Variants in SMG6 observed in about 807,000 individuals in gnomAD.
SMG6 encodes telomerase-binding protein EST1A.
In SMG6, 66 loss-of-function variants were observed where a neutral mutation model predicts 142.2. The ratio of observed to expected loss-of-function variants is 0.46; its 90% CI spans 0.38 to 0.57. SMG6 has a LOEUF of 0.57. Ranked by LOEUF, SMG6 falls within the 20% of genes least tolerant of loss-of-function variation. The pLI is 0.00. For synonymous variants in SMG6, 779 were observed against 702.4 expected (o/e 1.11, Z -1.72); for missense variants, 1,793 against 1,832.0 (o/e 0.98, Z 0.39).
At chr17:2,230,957 A>G (rs1213503013) in intron 10 of SMG6, among the ~76,000 whole-genome samples, 2 of 152,184 alleles carry the variant, frequency 1.3e-5, no homozygotes, top group African/African-American at 2.4e-5. Context: ...AGATCCTTGT[A>G]GAGAAAAAGC....
chr17:2,176,334 A>G (rs2071652053), intron 12 of SMG6, among the ~76,000 whole-genome samples: 1 of 152,220 alleles, frequency 6.6e-6, no homozygotes, highest in African/African-American at 2.4e-5. Flanking sequence ...CAAGGAGCCA[A>G]AAGTCAAATT....
intron 15 of SMG6, among the ~76,000 whole-genome samples, chr17:2,073,805 G>A (rs552951517): frequency 1.5e-4 from 22 of 151,684 alleles, no homozygotes; most frequent in South Asian, 4.2e-4. Context: ...TTAGCCAGGC[G>A]TGGTGGCACG....
chr17:2,303,532 G>C (rs1473462190), intron 1 of SMG6, 101 bp downstream of exon 1: 1 of 1,338,168 alleles, frequency 7.5e-7, no homozygotes, highest in African/African-American at 1.5e-5. Context: ...GGGAAGGGGC[G>C]GGGGCTCCGG....
At chr17:2,074,152 C>G (rs904152564) in intron 15 of SMG6, among the ~76,000 whole-genome samples, 5 of 151,872 alleles carry the variant, frequency 3.3e-5, no homozygotes, top group Admixed American at 1.3e-4. Context: ...TCACAGGTCA[C>G]TGTAGCCTGA....
intron 13 of SMG6, among the ~76,000 whole-genome samples, chr17:2,094,091 G>A (rs988546780): frequency 3.3e-5 from 5 of 152,142 alleles, no homozygotes; most frequent in African/African-American, 7.2e-5. Context: ...CCAAGGTCCC[G>A]GGCTTCGGAA....
Position 2,112,301 on chromosome 17 carries a change from G to C in SMG6, c.3358-26400C>G, listed in dbSNP as rs28672800. On this transcript the variant is annotated intron_variant, in intron 13 of 18. Transcript: ENST00000263073. Reference sequence around the variant, plus strand: ...GGGTGGATCACGAGGTCAGGAGATCGAGACCATCATGGCTAACATGGTGAA... The same window carrying C: ...GGGTGGATCACGAGGTCAGGAGATCCAGACCATCATGGCTAACATGGTGAA... 9.8e-3 allele frequency among the ~76,000 whole-genome samples: 1,485 copies of C among 151,566 alleles called. 25 individuals carry two copies. The highest frequency in any genetic ancestry group is 0.025 in the African/African-American group (1,014 of 41,332).
chr17:2,195,895 T>G (rs961716025), intron 10 of SMG6, among the ~76,000 whole-genome samples: 1 of 152,110 alleles, frequency 6.6e-6, no homozygotes, highest in Non-Finnish European at 1.5e-5. Context: ...CACACGCCCG[T>G]GACTCAAGTG....
chr17:2,250,647 G>A (rs2074026310), intron 8 of SMG6, among the ~76,000 whole-genome samples: 1 of 152,006 alleles, frequency 6.6e-6, no homozygotes, highest in Non-Finnish European at 1.5e-5. Flanking sequence ...CCCTCCTAAA[G>A]TAGTGGGATT....
At chr17:2,277,161 A>ATTTTTTTT (rs1487135491) in intron 8 of SMG6, among the ~76,000 whole-genome samples, 1 of 65,136 alleles carries the variant, frequency 1.5e-5, no homozygotes, top group African/African-American at 5.9e-5. Context: ...TTATTTATTT[A>ATTTTTTTT]TTTATTTTTT....
chr17:2,168,930 T>C (rs1300810534), intron 13 of SMG6, among the ~76,000 whole-genome samples: 1 of 151,548 alleles, frequency 6.6e-6, no homozygotes, highest in Non-Finnish European at 1.5e-5. Context: ...CTATTTTTAG[T>C]AGAGACGGGG....
At chr17:2,212,895 A>G (rs2072906494) in intron 10 of SMG6, among the ~76,000 whole-genome samples, 1 of 152,246 alleles carries the variant, frequency 6.6e-6, no homozygotes, top group Non-Finnish European at 1.5e-5. Flanking sequence ...ATCTGCATGC[A>G]ATGCTCAGGG....
intron 13 of SMG6, among the ~76,000 whole-genome samples, chr17:2,145,726 TAAAAACAAAAAAGA>T (rs907297651): frequency 8.9e-6 from 1 of 112,472 alleles, no homozygotes; most frequent in African/African-American, 3.5e-5. Context: ...CCTCCAGAAA[TAAAAACAAAAAAGA>T]AAAAACAAAA....
rs545014205 is a variant in SMG6 at position 2,118,808 on chromosome 17, C to T, written c.3358-32907G>A. Among the ~76,000 whole-genome samples, 4 of 151,440 alleles carry T rather than the reference C, an allele frequency of 2.6e-5. No individual in the cohort carries two copies. The East Asian group carries it at 5.8e-4, about 22-fold the overall frequency. ...CTCACTATGTTGTCCAAGCTGGTCT[C>T]GAATTCCTGGACTGAAGGGATTCTC... On this transcript the variant is annotated intron_variant, in intron 13 of 18. Transcript: ENST00000263073.
intron 3 of SMG6, 77 bp downstream of exon 3, chr17:2,297,786 A>G (rs1022302127): frequency 1.3e-6 from 2 of 1,495,098 alleles, no homozygotes; most frequent in Non-Finnish European, 1.8e-6. Context: ...AAAACATAGT[A>G]TTTCAGGTAG....
intron 13 of SMG6, among the ~76,000 whole-genome samples, chr17:2,129,277 C>T (rs1273595192): frequency 2.6e-5 from 4 of 152,182 alleles, no homozygotes; most frequent in East Asian, 1.9e-4. Flanking sequence ...GAGCCATAAT[C>T]GCACCACTGT....
At chr17:2,149,745 G>A (rs1292810696) in intron 13 of SMG6, among the ~76,000 whole-genome samples, 1 of 152,232 alleles carries the variant, frequency 6.6e-6, no homozygotes, top group African/African-American at 2.4e-5. Flanking sequence ...CTTTTTATGG[G>A]TTGGGCCCTC....
chr17:2,186,368 G>A (rs2071984243), intron 12 of SMG6, among the ~76,000 whole-genome samples: 1 of 152,128 alleles, frequency 6.6e-6, no homozygotes, highest in Non-Finnish European at 1.5e-5. Context: ...CAGAGATGGT[G>A]AGTATGCACA....
At chr17:2,156,637 G>T (rs1029139791) in intron 13 of SMG6, among the ~76,000 whole-genome samples, 1 of 151,972 alleles carries the variant, frequency 6.6e-6, no homozygotes. Flanking sequence ...TTTCCCTCCT[G>T]TCTCTGTTTT....
intron 13 of SMG6, among the ~76,000 whole-genome samples, chr17:2,086,653 T>C (rs1165138778): frequency 1.3e-5 from 2 of 152,248 alleles, no homozygotes; most frequent in Non-Finnish European, 1.5e-5. Flanking sequence ...ACTCAGTATC[T>C]TGAGCAACAG....
Sources: gnomAD v4.1 joint callset for allele counts (sites outside exome capture counted in the v4.1 genomes callset) on GRCh38, gnomAD v4.1.1 for gene constraint, MANE v1.5 for transcripts, NCBI Gene and HGNC (gene_info 2026-07-23, HGNC 2026-07-21) for gene names.